Variants in SGCZ observed in about 807,000 individuals in gnomAD.
SGCZ encodes the protein sarcoglycan zeta.
In SGCZ, 40 loss-of-function variants were observed where a neutral mutation model predicts 41.3. The observed-to-expected ratio is 0.97, with a 90% CI of 0.75 to 1.26. SGCZ has a LOEUF of 1.26. Ranked by LOEUF, SGCZ falls within the 50% of genes most tolerant of loss-of-function variation. SGCZ has a pLI of 0.00. For missense variants in SGCZ, 552 were observed against 369.8 expected (o/e 1.49, Z -4.04); for synonymous variants, 206 against 137.5 (o/e 1.50, Z -3.49).
chr8:14,867,344 A>T lies in SGCZ; in HGVS notation c.40-312418T>A, dbSNP rs184666819. 5.6e-3 allele frequency among the ~76,000 whole-genome samples: 857 copies of T among 152,092 alleles called. 5 individuals are homozygous for T. Among genetic ancestry groups the T allele is most frequent in the Non-Finnish European group, 0.01 (683 of 67,974 alleles). ...ATATGTACTATATTTTCTTTATCCA[A>T]TCTATCACTGTTGGGCATTTAGGTT... On this transcript the variant is annotated intron_variant, in intron 1 of 7. Coordinates refer to ENST00000382080, the MANE Select transcript of SGCZ (RefSeq NM_139167.4).
intron 1 of SGCZ, among the ~76,000 whole-genome samples, chr8:14,848,332 T>C (rs1803204038): frequency 6.6e-6 from 1 of 152,148 alleles, no homozygotes; most frequent in Admixed American, 6.5e-5. Context: ...CATTTGACTT[T>C]TCTGTGGAAA....
At chr8:14,600,713 TA>T (rs934767301) in intron 1 of SGCZ, among the ~76,000 whole-genome samples, 2 of 151,772 alleles carry the variant, frequency 1.3e-5, no homozygotes, top group Non-Finnish European at 2.9e-5. Context: ...TGATTTCAAC[TA>T]AAAAAAATAT....
chr8:14,630,346 T>C (rs1164846632), intron 1 of SGCZ, among the ~76,000 whole-genome samples: 2 of 151,910 alleles, frequency 1.3e-5, no homozygotes, highest in Non-Finnish European at 2.9e-5. Flanking sequence ...AGGAGAGAGA[T>C]GGCAAAACAC....
At chr8:14,632,978 T>C (rs1011785168) in intron 1 of SGCZ, among the ~76,000 whole-genome samples, 1 of 151,636 alleles carries the variant, frequency 6.6e-6, no homozygotes, top group African/African-American at 2.4e-5. Flanking sequence ...AAGTGAATTA[T>C]ATATATATAT....
intron 5 of SGCZ, among the ~76,000 whole-genome samples, chr8:14,124,979 A>C (rs1802806977): frequency 6.6e-6 from 1 of 152,212 alleles, no homozygotes. Flanking sequence ...AAAAATCACA[A>C]AAATTCCTAT....
chr8:14,173,334 T>G (rs1804446582), intron 4 of SGCZ, among the ~76,000 whole-genome samples: 1 of 151,908 alleles, frequency 6.6e-6, no homozygotes, highest in African/African-American at 2.4e-5. Flanking sequence ...ATTATAAACA[T>G]GTTCAAAGAT....
At chr8:14,501,763 C>G (rs1037179319) in intron 2 of SGCZ, among the ~76,000 whole-genome samples, 11 of 151,836 alleles carry the variant, frequency 7.2e-5, no homozygotes, top group Admixed American at 1.3e-4. Flanking sequence ...AGACTATTCC[C>G]TCCAAAATTT....
At chr8:14,456,581 T>C (rs942925894) in intron 2 of SGCZ, among the ~76,000 whole-genome samples, 15 of 152,084 alleles carry the variant, frequency 9.9e-5, no homozygotes, top group African/African-American at 2.4e-5. Context: ...AATCAGACTT[T>C]AACGAGATTG....
At chr8:14,383,776 A>G (rs17119221) in intron 2 of SGCZ, among the ~76,000 whole-genome samples, 2 of 152,142 alleles carry the variant, frequency 1.3e-5, no homozygotes, top group Non-Finnish European at 2.9e-5. Context: ...AGGTTGTAAG[A>G]TCAGGGACTG....
At chr8:14,539,438 C>A (rs1420088433) in intron 2 of SGCZ, among the ~76,000 whole-genome samples, 1 of 151,900 alleles carries the variant, frequency 6.6e-6, no homozygotes, top group Non-Finnish European at 1.5e-5. Flanking sequence ...GAAAAGGAGG[C>A]AAGTTTTATT....
chr8:15,202,419 T>C (rs1333053031), intron 1 of SGCZ, among the ~76,000 whole-genome samples: 1 of 152,202 alleles, frequency 6.6e-6, no homozygotes, highest in Non-Finnish European at 1.5e-5. Flanking sequence ...AAACATTGTG[T>C]CTTCTCACAC....
intron 1 of SGCZ, among the ~76,000 whole-genome samples, chr8:15,164,462 CG>C (rs1476060205): frequency 6.6e-6 from 1 of 152,104 alleles, no homozygotes; most frequent in Non-Finnish European, 1.5e-5. Context: ...GTCCCCGCCA[CG>C]TGCTGCTGCT....
chr8:14,764,766 G>T (rs1205948248), intron 1 of SGCZ, among the ~76,000 whole-genome samples: 1 of 152,068 alleles, frequency 6.6e-6, no homozygotes. Flanking sequence ...CTTAAATATG[G>T]TCTAAAAATT....
At chr8:15,089,496 T>G (rs929114470) in intron 1 of SGCZ, among the ~76,000 whole-genome samples, 1 of 151,654 alleles carries the variant, frequency 6.6e-6, no homozygotes, top group African/African-American at 2.4e-5. Flanking sequence ...AATGAAGTTT[T>G]ACCATACAGT....
intron 2 of SGCZ, among the ~76,000 whole-genome samples, chr8:14,477,939 A>G (rs1801408198): frequency 6.6e-6 from 1 of 152,218 alleles, no homozygotes; most frequent in African/African-American, 2.4e-5. Context: ...AACTCACTAA[A>G]GATTGTTTAA....
chr8:14,347,366 T>C (rs1322885426), intron 2 of SGCZ, among the ~76,000 whole-genome samples: 1 of 152,146 alleles, frequency 6.6e-6, no homozygotes. Flanking sequence ...ACAAAACTAG[T>C]GTTGAGAACA....
chr8:14,522,012 C>G (rs985122800), intron 2 of SGCZ, among the ~76,000 whole-genome samples: 4 of 152,068 alleles, frequency 2.6e-5, no homozygotes, highest in African/African-American at 9.7e-5. Context: ...TATGTTCTTT[C>G]ACAAATATGA....
At chr8:14,330,981 A>C (rs911608214) in intron 2 of SGCZ, among the ~76,000 whole-genome samples, 1 of 152,070 alleles carries the variant, frequency 6.6e-6, no homozygotes, top group South Asian at 2.1e-4. Flanking sequence ...TCCCCTTTCA[A>C]ATTACCAGTA....
intron 2 of SGCZ, among the ~76,000 whole-genome samples, chr8:14,424,938 AAT>A (rs1799736880): frequency 6.6e-6 from 1 of 152,210 alleles, no homozygotes; most frequent in Admixed American, 6.5e-5. Flanking sequence ...AAGTAAATAC[AAT>A]ATGTTTCCAA....
Sources: gnomAD v4.1 joint callset for allele counts (sites outside exome capture counted in the v4.1 genomes callset) on GRCh38, gnomAD v4.1.1 for gene constraint, MANE v1.5 for transcripts, NCBI Gene and HGNC (gene_info 2026-07-23, HGNC 2026-07-21) for gene names.